Variants in DLG2 observed in about 807,000 individuals in gnomAD.
DLG2 encodes the protein disks large homolog 2.
A neutral mutation model predicts 132.5 loss-of-function variants in DLG2; 45 were observed. The observed-to-expected ratio is 0.34, with a 90% confidence interval of 0.27 to 0.44. DLG2 has a LOEUF of 0.44. Ranked by LOEUF, DLG2 falls within the 20% of genes least tolerant of loss-of-function variation. The pLI, the probability that DLG2 is intolerant of heterozygous loss-of-function variation, is 1.00. For synonymous variants in DLG2, 424 were observed against 419.6 expected, an observed-to-expected ratio of 1.01 and a Z score of -0.13; for missense variants, 1,045 against 1,196.9, an observed-to-expected ratio of 0.87 and a Z score of 1.87.
chr11:84,724,394 T>A (rs1297943031), intron 6 of DLG2, among the ~76,000 whole-genome samples: 2 of 152,210 alleles, frequency 1.3e-5, no homozygotes, highest in Non-Finnish European at 2.9e-5. Context: ...ATGCTTGCTA[T>A]GTACACTGTT....
At chr11:84,521,352 C>T (rs895486827) in intron 7 of DLG2, among the ~76,000 whole-genome samples, 11 of 152,180 alleles carry the variant, frequency 7.2e-5, no homozygotes, top group African/African-American at 2.7e-4. Flanking sequence ...TCTTGGGAAA[C>T]AGAGACATAA....
intron 7 of DLG2, among the ~76,000 whole-genome samples, chr11:84,434,918 G>GAAAAAAA (rs770101910): frequency 1.3e-5 from 1 of 79,242 alleles, no homozygotes; most frequent in African/African-American, 4.0e-5. Flanking sequence ...GTCACCTACT[G>GAAAAAAA]AAAAAAAAAA....
intron 7 of DLG2, among the ~76,000 whole-genome samples, chr11:84,284,031 C>G (rs2097881968): frequency 6.6e-6 from 1 of 151,976 alleles, no homozygotes; most frequent in Non-Finnish European, 1.5e-5. Flanking sequence ...ACCTGAGGTC[C>G]AAAACCAGCC....
chr11:84,560,616 G>A (rs1362628480), intron 6 of DLG2, among the ~76,000 whole-genome samples: 1 of 151,986 alleles, frequency 6.6e-6, no homozygotes, highest in East Asian at 1.9e-4. Flanking sequence ...CTGTGGAAAG[G>A]TAAAATAAAA....
intron 18 of DLG2, among the ~76,000 whole-genome samples, chr11:83,662,271 C>T (rs1000710188): frequency 1.3e-5 from 2 of 152,152 alleles, no homozygotes; most frequent in Non-Finnish European, 2.9e-5. Flanking sequence ...AGAATACATG[C>T]TCTGAGGCAG....
At chr11:85,431,855 C>G (rs142240546) in intron 3 of DLG2, among the ~76,000 whole-genome samples, 152 of 152,306 alleles carry the variant, frequency 1.0e-3, no homozygotes, top group African/African-American at 3.4e-3. Flanking sequence ...CTATGCCATC[C>G]AACTAGGTAA....
chr11:84,680,840 C>G lies in DLG2; in HGVS notation c.358-146109G>C, dbSNP rs1940099. On this transcript the variant is annotated intron_variant, in intron 6 of 27. Transcript: ENST00000376104. ...TCTTCTAGCAGTTTTATACATAATT[C>G]TTAGTTACTAACTTTTTAAATGCTA... Among the ~76,000 whole-genome samples, 3 of 152,268 alleles carry G rather than the reference C, an allele frequency of 2.0e-5. No individual in the cohort carries two copies. The East Asian group carries it at 5.8e-4, about 29-fold the overall frequency.
intron 20 of DLG2, among the ~76,000 whole-genome samples, chr11:83,539,634 G>T: frequency 6.6e-6 from 1 of 151,104 alleles, no homozygotes; most frequent in Non-Finnish European, 1.5e-5. Context: ...TGTATTTACA[G>T]CTATACATTA....
At position 84,166,500 on chromosome 11, in the gene DLG2, C is replaced by CAAA. The variant is rs398016937; in HGVS notation, c.574-2992_574-2990dup. ...CTGGTGACAGAGTAAGACTCTGCTT[C>CAAA]AAAAAAAAAAAAAAAAAAAAGAAAA... On this transcript the variant is annotated intron_variant, in intron 8 of 27. Coordinates refer to ENST00000376104, the MANE Select transcript of DLG2 (RefSeq NM_001142699.3). Among the ~76,000 whole-genome samples, 539 of 80,958 alleles carry CAAA rather than the reference C, an allele frequency of 6.7e-3. 14 individuals are homozygous for CAAA. Among genetic ancestry groups the CAAA allele is most frequent in the African/African-American group, 0.024 (501 of 20,662 alleles). The allele number at this position is 80,958 out of a possible 152,430, so 53.1% of individuals were successfully genotyped here.
At chr11:83,493,340 C>T (rs769970444) in intron 21 of DLG2, among the ~76,000 whole-genome samples, 24 of 5,464 alleles carry the variant, frequency 4.4e-3, no homozygotes, top group East Asian at 0.016. Flanking sequence ...TCTTTCTTTC[C>T]TTCCTTCCTT....
intron 6 of DLG2, among the ~76,000 whole-genome samples, chr11:84,678,058 TA>T (rs1471269902): frequency 1.3e-5 from 2 of 152,058 alleles, no homozygotes; most frequent in African/African-American, 4.8e-5. Context: ...AGCTCACTTG[TA>T]AAAAATTGCG....
chr11:84,947,266 C>T (rs759479033), intron 6 of DLG2, among the ~76,000 whole-genome samples: 4 of 152,096 alleles, frequency 2.6e-5, no homozygotes, highest in Non-Finnish European at 4.4e-5. Context: ...TTCCTTCTGG[C>T]AGGGGTAGGG....
chr11:84,507,293 A>C (rs2099244108), intron 7 of DLG2, among the ~76,000 whole-genome samples: 1 of 152,230 alleles, frequency 6.6e-6, no homozygotes, highest in South Asian at 2.1e-4. Flanking sequence ...CAGCATGGTA[A>C]ATGCTAAAAT....
intron 11 of DLG2, among the ~76,000 whole-genome samples, chr11:84,030,661 A>C (rs1195518315): frequency 6.6e-6 from 1 of 152,156 alleles, no homozygotes; most frequent in Non-Finnish European, 1.5e-5. Flanking sequence ...AATTCATGAT[A>C]TGTTTCCCAG....
At chr11:84,721,062 C>T (rs1218635173) in intron 6 of DLG2, among the ~76,000 whole-genome samples, 1 of 152,024 alleles carries the variant, frequency 6.6e-6, no homozygotes, top group Non-Finnish European at 1.5e-5. Flanking sequence ...GACCTCCCCG[C>T]GCTGACGTGA....
intron 6 of DLG2, among the ~76,000 whole-genome samples, chr11:85,088,502 T>A (rs1361315253): frequency 1.3e-5 from 2 of 152,156 alleles, no homozygotes; most frequent in Non-Finnish European, 2.9e-5. Flanking sequence ...TCCATGTGAT[T>A]CATGTTACAA....
intron 4 of DLG2, among the ~76,000 whole-genome samples, chr11:85,274,393 T>C (rs1046646537): frequency 6.6e-6 from 1 of 152,192 alleles, no homozygotes; most frequent in African/African-American, 2.4e-5. Flanking sequence ...TCTCCTTTAC[T>C]TACAGTCAAC....
chr11:84,501,198 G>A (rs963727836), intron 7 of DLG2, among the ~76,000 whole-genome samples: 1 of 152,134 alleles, frequency 6.6e-6, no homozygotes, highest in African/African-American at 2.4e-5. Flanking sequence ...TATATTTTAA[G>A]CTTTTAATTA....
At chr11:84,174,154 A>ATTT (rs35818518) in intron 8 of DLG2, among the ~76,000 whole-genome samples, 1 of 144,932 alleles carries the variant, frequency 6.9e-6, no homozygotes, top group Non-Finnish European at 1.5e-5. Context: ...TGTTAAGGAG[A>ATTT]TTTTTTTTTT....
Sources: gnomAD v4.1 joint callset for allele counts (sites outside exome capture counted in the v4.1 genomes callset) on GRCh38, gnomAD v4.1.1 for gene constraint, MANE v1.5 for transcripts, NCBI Gene and HGNC (gene_info 2026-07-23, HGNC 2026-07-21) for gene names.